Variants in TEKT5 observed in about 807,000 individuals in gnomAD.
TEKT5 encodes tektin 5, also known as tektin-5.
TEKT5 carries 52 observed loss-of-function variants against 48.7 expected under a neutral mutation model. The observed-to-expected ratio is 1.07, with a 90% CI of 0.86 to 1.35. The LOEUF (loss-of-function observed/expected upper bound fraction) is 1.35. Ranked by LOEUF, TEKT5 falls within the 40% of genes most tolerant of loss-of-function variation. The pLI is 0.00. For missense variants in TEKT5, 831 were observed against 641.6 expected, an observed-to-expected ratio of 1.30 and a Z score of -3.19; for synonymous variants, 318 against 267.6, an observed-to-expected ratio of 1.19 and a Z score of -1.84.
intron 5 of TEKT5, among the ~76,000 whole-genome samples, chr16:10,652,630 ACACACAC>A (rs1898180703): frequency 1.0e-5 from 1 of 98,054 alleles, no homozygotes; most frequent in African/African-American, 5.1e-5. Flanking sequence ...ACACACACAC[ACACACAC>A]ACACCCTCCA....
intron 5 of TEKT5, among the ~76,000 whole-genome samples, chr16:10,659,444 A>G (rs1383186815): frequency 6.6e-6 from 1 of 152,104 alleles, no homozygotes; most frequent in African/African-American, 2.4e-5. Flanking sequence ...CAGTGGTGCA[A>G]TCTCGGCTCA....
At chr16:10,668,557 G>C (rs1419986622) in intron 5 of TEKT5, among the ~76,000 whole-genome samples, 1 of 152,184 alleles carries the variant, frequency 6.6e-6, no homozygotes, top group Non-Finnish European at 1.5e-5. Context: ...AAACAGAGGG[G>C]TTGGCAGTAG....
intron 5 of TEKT5, among the ~76,000 whole-genome samples, chr16:10,652,381 A>G (rs1898172284): frequency 1.3e-5 from 2 of 151,522 alleles, no homozygotes; most frequent in South Asian, 4.2e-4. Flanking sequence ...ACTATCCCTT[A>G]TATACTCAGG....
At chr16:10,678,534 G>A (rs1349619268) in intron 4 of TEKT5, among the ~76,000 whole-genome samples, 1 of 152,198 alleles carries the variant, frequency 6.6e-6, no homozygotes, top group Non-Finnish European at 1.5e-5. Context: ...TCGGGCTTCT[G>A]GAGATAGGAG....
At chr16:10,634,599 A>AC (rs1897887273) in intron 6 of TEKT5, among the ~76,000 whole-genome samples, 1 of 152,104 alleles carries the variant, frequency 6.6e-6, no homozygotes, top group African/African-American at 2.4e-5. Context: ...TTGAGTGTGG[A>AC]CCTAGAGATG....
At chr16:10,679,921 T>TAAATAAATAAATAAATAAATA (rs1898716126) in intron 4 of TEKT5, among the ~76,000 whole-genome samples, 1 of 151,358 alleles carries the variant, frequency 6.6e-6, no homozygotes, top group South Asian at 2.1e-4. Context: ...AATAAATAAA[T>TAAATAAATAAATAAATAAATA]AAGAAAACCA....
chr16:10,694,558 C>T lies in TEKT5; in HGVS notation c.316G>A (p.Glu106Lys), dbSNP rs200592055. 30 of 1,602,416 alleles carry T rather than the reference C, an allele frequency of 1.9e-5. No homozygotes were observed. In the African/African-American group the frequency reaches 2.7e-4, roughly 14 times the overall value. The change falls in exon 1 of 7, where the codon GAG (glutamate) becomes AAG (lysine). Residue 106 changes from glutamate (E) to lysine (K), a missense_variant. Transcript: ENST00000283025. ...CGGCTGGCCCACAGCCGGGAGGCCTCGGCCCCACGCACCTGCAGCTGGTTG... is the reference window on the plus strand; with the variant it reads ...CGGCTGGCCCACAGCCGGGAGGCCTTGGCCCCACGCACCTGCAGCTGGTTG... ...QSNQLQVRGAEASRLWASRLT... is the reference protein window; with the variant it reads ...QSNQLQVRGAKASRLWASRLT...
rs570492848 is a variant in TEKT5 at position 10,675,842 on chromosome 16, G to C, written c.1086+117C>G. 243 of 975,104 alleles carry C rather than the reference G, an allele frequency of 2.5e-4. 1 individual carries two copies. The highest frequency in any genetic ancestry group is 3.1e-4 in the Non-Finnish European group (194 of 630,858). The allele number at this position is 975,104 out of a possible 1,614,324, so 60.4% of individuals were successfully genotyped here. A position where few individuals can be genotyped will look rare whatever the true frequency, so the allele number is the denominator to read the frequency against. On this transcript the variant is annotated intron_variant, in intron 5 of 6. Coordinates refer to ENST00000283025, the MANE Select transcript of TEKT5 (RefSeq NM_144674.2). ...GAAAAAGACCACAGACCTTGGGAGA[G>C]AGGGTACTGCTTTGGCACCAGGGGC...
At chr16:10,642,862 T>G (rs888272128) in intron 5 of TEKT5, among the ~76,000 whole-genome samples, 1 of 151,428 alleles carries the variant, frequency 6.6e-6, no homozygotes, top group African/African-American at 2.4e-5. Context: ...GGATAGAGAG[T>G]GAGTTCTTAA....
At chr16:10,669,516 C>G (rs920775516) in intron 5 of TEKT5, among the ~76,000 whole-genome samples, 2 of 152,136 alleles carry the variant, frequency 1.3e-5, no homozygotes, top group African/African-American at 4.8e-5. Flanking sequence ...GGAAGGCATT[C>G]TAGCACTTTT....
At chr16:10,671,897 T>C (rs1328795218) in intron 5 of TEKT5, 1 of 152,164 alleles carries the variant, frequency 6.6e-6, no homozygotes, top group African/African-American at 2.4e-5. Context: ...CATGGTTCAA[T>C]TACCTCCCAC....
chr16:10,680,221 G>A (rs1898723493), intron 4 of TEKT5, among the ~76,000 whole-genome samples: 1 of 152,224 alleles, frequency 6.6e-6, no homozygotes, highest in South Asian at 2.1e-4. Context: ...AAAGTCCCCA[G>A]GAGTTGTCAT....
chr16:10,634,226 A>C (rs1897881229), intron 6 of TEKT5, among the ~76,000 whole-genome samples: 1 of 152,156 alleles, frequency 6.6e-6, no homozygotes, highest in Non-Finnish European at 1.5e-5. Context: ...CCTAGGAGTG[A>C]GACTAAAGGG....
intron 5 of TEKT5, among the ~76,000 whole-genome samples, chr16:10,650,147 C>G (rs896712467): frequency 6.6e-6 from 1 of 152,164 alleles, no homozygotes; most frequent in South Asian, 2.1e-4. Flanking sequence ...TCTCGGCTCA[C>G]TGCAACCTCC....
intron 5 of TEKT5, chr16:10,671,846 T>G (rs1203593292): frequency 6.6e-6 from 1 of 152,216 alleles, no homozygotes; most frequent in Non-Finnish European, 1.5e-5. Context: ...CTCAAGAGAC[T>G]TATTCACTAT....
chr16:10,680,916 G>A (rs34046256), intron 4 of TEKT5, among the ~76,000 whole-genome samples: 3,867 of 149,500 alleles, frequency 0.026, 54 homozygotes, highest in Non-Finnish European at 0.035. Context: ...GCTAGATGAC[G>A]ATTTAGTGGG....
chr16:10,642,069 A>G (rs1248091988), intron 5 of TEKT5, among the ~76,000 whole-genome samples: 1 of 152,174 alleles, frequency 6.6e-6, no homozygotes, highest in Non-Finnish European at 1.5e-5. Context: ...ATTCACCCAA[A>G]CCAATCTGGA....
At chr16:10,674,350 G>A (rs1033820389) in intron 5 of TEKT5, among the ~76,000 whole-genome samples, 1 of 152,054 alleles carries the variant, frequency 6.6e-6, no homozygotes, top group South Asian at 2.1e-4. Flanking sequence ...CTCCTGTTTC[G>A]AGGCCAGTCA....
At position 10,635,923 on chromosome 16, in the gene TEKT5, G is replaced by C. The variant is rs776006124; in HGVS notation, c.1087-5C>G. The C allele has an allele frequency of 3.1e-6, 5 of 1,613,186 alleles. No homozygotes were observed. Among genetic ancestry groups the C allele is most frequent in the Middle Eastern group, 1.6e-4 (1 of 6,062 alleles). On this transcript the variant is annotated splice_region_variant and splice_polypyrimidine_tract_variant and intron_variant, in intron 5 of 6. Coordinates refer to ENST00000283025, the MANE Select transcript of TEKT5 (RefSeq NM_144674.2). The stretch of plus-strand genomic sequence containing the variant: ...CTGGAAGATCTCCTGCAGCGTCTGC[G>C]AGGGAACACACAGGTGTCACCACCC...
Sources: gnomAD v4.1 joint callset for allele counts (sites outside exome capture counted in the v4.1 genomes callset) on GRCh38, gnomAD v4.1.1 for gene constraint, MANE v1.5 for transcripts, NCBI Gene and HGNC (gene_info 2026-07-23, HGNC 2026-07-21) for gene names.